Variants in IKZF2 observed in about 807,000 individuals in gnomAD.
IKZF2 encodes the protein IKAROS family zinc finger 2.
In IKZF2, 15 loss-of-function variants were observed where a neutral mutation model predicts 49.2. That is an observed-to-expected ratio of 0.30 (90% CI 0.20 to 0.47). The LOEUF is 0.47. IKZF2 is among the 20% of genes least tolerant of loss of function. The pLI is 1.00. For synonymous variants in IKZF2, 227 were observed against 221.4 expected (o/e 1.03, Z -0.23); for missense variants, 567 against 664.6 (o/e 0.85, Z 1.61).
intron 4 of IKZF2, among the ~76,000 whole-genome samples, chr2:213,144,892 A>G (rs1374731992): frequency 6.6e-6 from 1 of 151,990 alleles, no homozygotes; most frequent in Non-Finnish European, 1.5e-5. Context: ...GCTAAATTTT[A>G]AAACCAAAAA....
At chr2:213,013,699 G>T in intron 8 of IKZF2, 92 bp downstream of exon 8, 1 of 1,188,418 alleles carries the variant, frequency 8.4e-7, no homozygotes. Context: ...TTCATGAACT[G>T]AAACACACCA....
chr2:213,038,655 C>T (rs1699297320), intron 6 of IKZF2, among the ~76,000 whole-genome samples: 1 of 149,026 alleles, frequency 6.7e-6, no homozygotes, highest in Non-Finnish European at 1.5e-5. Context: ...ATAAGAAAGA[C>T]AAGAAAGAGC....
chr2:213,013,406 TA>T (rs5838363), intron 8 of IKZF2, among the ~76,000 whole-genome samples: 1 of 149,064 alleles, frequency 6.7e-6, no homozygotes, highest in South Asian at 2.1e-4. Flanking sequence ...GTTAATAGGT[TA>T]AAAAAAAAAC....
At chr2:213,021,886 A>C in intron 7 of IKZF2, 107 bp downstream of exon 7, 3 of 1,206,970 alleles carry the variant, frequency 2.5e-6, no homozygotes, top group Non-Finnish European at 3.5e-6. Flanking sequence ...AACTCATTTA[A>C]GTTAAAGTGA....
chr2:213,053,169 C>T (rs1023509969), intron 5 of IKZF2, among the ~76,000 whole-genome samples: 3 of 152,026 alleles, frequency 2.0e-5, no homozygotes, highest in Non-Finnish European at 4.4e-5. Context: ...TTGTTATAAC[C>T]ATAATGACTA....
intron 6 of IKZF2, among the ~76,000 whole-genome samples, chr2:213,029,560 T>C (rs1270577523): frequency 6.6e-6 from 1 of 152,064 alleles, no homozygotes; most frequent in Non-Finnish European, 1.5e-5. Context: ...GCTAGAGGTT[T>C]ATCTATTTTA....
chr2:213,094,953 G>T (rs1219927492), intron 4 of IKZF2, among the ~76,000 whole-genome samples: 1 of 152,068 alleles, frequency 6.6e-6, no homozygotes, highest in Non-Finnish European at 1.5e-5. Context: ...CAGACATAAG[G>T]TATTTTGGAA....
chr2:213,080,591 C>G (rs1299835933), intron 4 of IKZF2, among the ~76,000 whole-genome samples: 1 of 152,072 alleles, frequency 6.6e-6, no homozygotes, highest in Non-Finnish European at 1.5e-5. Flanking sequence ...GTGATTAAGA[C>G]TAGTTCAAAA....
In IKZF2 at chr2:213,003,576, A is replaced by G. The variant is rs949496804; in HGVS notation, c.*3784T>C. 1.3e-5 allele frequency: 2 copies of G among 151,646 alleles called. No individual in the cohort carries two copies. The highest frequency in any genetic ancestry group is 3.0e-5 in the Non-Finnish European group (2 of 67,708). 9.4% of individuals were successfully genotyped at this position (151,646 alleles called of 1,614,324 possible). On this transcript the variant is annotated 3_prime_UTR_variant, in exon 9 of 9. Transcript: ENST00000434687. ...TAGGGGCACACAGTTTTTTGCTTGTATTTTTACAGCCCCGTCTGCTCTTTT... is the reference window on the plus strand; with the variant it reads ...TAGGGGCACACAGTTTTTTGCTTGTGTTTTTACAGCCCCGTCTGCTCTTTT...
intron 4 of IKZF2, among the ~76,000 whole-genome samples, chr2:213,113,767 G>T (rs2059788260): frequency 6.6e-6 from 1 of 152,068 alleles, no homozygotes; most frequent in African/African-American, 2.4e-5. Flanking sequence ...AGTGGAGAGA[G>T]GTGTTTGTTT....
chr2:213,022,831 C>T (rs968980551), intron 6 of IKZF2, among the ~76,000 whole-genome samples: 4 of 151,946 alleles, frequency 2.6e-5, no homozygotes, highest in African/African-American at 7.3e-5. Context: ...TAATATTTTC[C>T]AAAACATCTC....
rs1308592896 is a variant in IKZF2 at position 213,112,324 on chromosome 2, T to G, written c.139+35384A>C. The stretch of plus-strand genomic sequence containing the variant: ...TAGTTCAGTGGCTTGCAAACTTTTT[T>G]TTGACCCAGACAGACAATAAAAAAT... On this transcript the variant is annotated intron_variant, in intron 4 of 8. Coordinates refer to ENST00000434687, the MANE Select transcript of IKZF2 (RefSeq NM_001387220.1). Among the ~76,000 whole-genome samples the G allele has an allele frequency of 2.8e-5, 4 of 141,570 alleles. No homozygotes were observed. In the East Asian group the frequency reaches 8.0e-4, roughly 28 times the overall value. 92.9% of individuals were successfully genotyped at this position (141,570 alleles called of 152,430 possible).
At chr2:213,098,546 T>G (rs1706278071) in intron 4 of IKZF2, among the ~76,000 whole-genome samples, 1 of 152,100 alleles carries the variant, frequency 6.6e-6, no homozygotes, top group Non-Finnish European at 1.5e-5. Context: ...CTTCTGAATC[T>G]GAAGAAAACA....
chr2:213,016,269 A>C (rs1410613457), intron 7 of IKZF2, among the ~76,000 whole-genome samples: 3 of 152,106 alleles, frequency 2.0e-5, no homozygotes, highest in African/African-American at 7.2e-5. Context: ...AAAGACCCAG[A>C]GATGTTAAGT....
In IKZF2 at chr2:213,057,017, A is replaced by G. The variant is rs756014652; in HGVS notation, c.222T>C (p.His74=). The change falls in exon 5 of 9, where the codon CAT becomes CAC. Residue 74 remains histidine (H), a synonymous_variant. Transcript: ENST00000434687. ...PLSREDEIRG[H]DEGSSLEEPL... is the part of the protein sequence containing the mutation. ...GTTCTTCTAGGCTGCTACCCTCATC[A>G]TGGCCCCTGATCTCATCTTCACGGC... is the stretch of plus-strand genomic sequence containing the variant. 7 of 1,613,700 alleles carry G rather than the reference A, an allele frequency of 4.3e-6. No individual in the cohort carries two copies. The highest frequency in any genetic ancestry group is 3.3e-5 in the Admixed American group (2 of 59,940).
intron 8 of IKZF2, 71 bp downstream of exon 8, chr2:213,013,720 T>G (rs538010711): frequency 7.5e-7 from 1 of 1,337,664 alleles, no homozygotes; most frequent in Admixed American, 2.1e-5. Flanking sequence ...TATATATTTC[T>G]AATACATGGG....
chr2:213,127,957 T>C (rs566705183), intron 4 of IKZF2, among the ~76,000 whole-genome samples: 2 of 152,236 alleles, frequency 1.3e-5, no homozygotes, highest in South Asian at 4.1e-4. Flanking sequence ...ATAATTAAAA[T>C]ACTATTAAGT....
In IKZF2 at chr2:213,133,736, T is replaced by TAAATAAATA. The variant is rs1559317308; in HGVS notation, c.139+13971_139+13972insTATTTATTT. On this transcript the variant is annotated intron_variant, in intron 4 of 8. Transcript: ENST00000434687. The stretch of plus-strand genomic sequence containing the variant: ...TAAATAAATAAATAAATAAATAAAA[T>TAAATAAATA]AAATATTCACTATTTTCCAGTAATG... Among the ~76,000 whole-genome samples the TAAATAAATA allele has an allele frequency of 2.7e-3, 301 of 110,476 alleles. 1 individual carries two copies. The highest frequency in any genetic ancestry group is 9.0e-3 in the African/African-American group (297 of 33,184). 72.5% of individuals were successfully genotyped at this position (110,476 alleles called of 152,430 possible).
Position 213,007,451 on chromosome 2 carries a change from T to A in IKZF2, c.1490A>T (p.Asp497Val). The stretch of plus-strand genomic sequence containing the variant: ...GCCACAGATGTTGCATTCCAGTGGG[T>A]CCCGGTAGCCATGGCAACCCATGTG... ...TIHMGCHGYRDPLECNICGYR... is the reference protein window; with the variant it reads ...TIHMGCHGYRVPLECNICGYR... The change falls in exon 9 of 9, where the codon GAC (aspartate) becomes GTC (valine). Residue 497 changes from aspartate to valine, a missense_variant. Around this residue, in one of 5 missense-constraint regions of IKZF2, gnomAD observed 22 missense variants for 52.3 expected, o/e 0.42. Coordinates refer to ENST00000434687, the MANE Select transcript of IKZF2 (RefSeq NM_001387220.1). 2 of 1,613,520 alleles carry A rather than the reference T, an allele frequency of 1.2e-6. No homozygotes were observed. The highest frequency in any genetic ancestry group is 1.7e-6 in the Non-Finnish European group (2 of 1,179,650).
Sources: allele counts gnomAD v4.1 joint callset (sites outside exome capture counted in the v4.1 genomes callset), GRCh38; gene constraint gnomAD v4.1.1; regional missense constraint gnomAD v4.1.1; transcripts MANE v1.5; gene names NCBI Gene and HGNC (gene_info 2026-07-23, HGNC 2026-07-21).